The following FIP1L1 variants were observed in gnomAD, a reference collection of about 807,000 sequenced individuals.
The protein encoded by FIP1L1 is factor interacting with PAPOLA and CPSF1.
In FIP1L1, 21 loss-of-function variants were observed where a neutral mutation model predicts 84.6. That is an observed-to-expected ratio of 0.25 (90% CI 0.18 to 0.36). The LOEUF (loss-of-function observed/expected upper bound fraction) is 0.36, where lower values mean the gene tolerates loss of function less well. FIP1L1 is among the 10% of genes least tolerant of loss of function. FIP1L1 has a pLI of 1.00. For synonymous variants in FIP1L1, 263 were observed against 242.3 expected (o/e 1.09, Z -0.80); for missense variants, 526 against 751.1 (o/e 0.70, Z 3.50).
chr4:53,408,035 T>G (rs1347962800), intron 10 of FIP1L1, among the ~76,000 whole-genome samples: 1 of 152,224 alleles, frequency 6.6e-6, no homozygotes, highest in Non-Finnish European at 1.5e-5. Context: ...GATCCTGTCA[T>G]TATGATGTTA....
chr4:53,381,502 A>T (rs550268675), intron 3 of FIP1L1, among the ~76,000 whole-genome samples: 1 of 152,194 alleles, frequency 6.6e-6, no homozygotes, highest in African/African-American at 2.4e-5. Context: ...CTGAACAATT[A>T]TAGCTGCATA....
chr4:53,411,467 T>C (rs1220367615), intron 10 of FIP1L1, among the ~76,000 whole-genome samples: 1 of 150,402 alleles, frequency 6.6e-6, no homozygotes, highest in Non-Finnish European at 1.5e-5. Context: ...TTGTGAAATA[T>C]TTCCCATAAA....
chr4:53,440,766 T>G (rs1373822541), intron 13 of FIP1L1: 1 of 616,964 alleles, frequency 1.6e-6, no homozygotes, highest in African/African-American at 1.9e-5. Flanking sequence ...CATTCCAGTT[T>G]TGATTAAGAT....
intron 10 of FIP1L1, among the ~76,000 whole-genome samples, chr4:53,408,207 C>T (rs1754885344): frequency 6.6e-6 from 1 of 152,174 alleles, no homozygotes; most frequent in South Asian, 2.1e-4. Flanking sequence ...CAAAATCTCT[C>T]AGCATTTGCT....
chr4:53,433,494 C>A (rs1767648754), intron 13 of FIP1L1, among the ~76,000 whole-genome samples: 1 of 119,010 alleles, frequency 8.4e-6, no homozygotes, highest in Admixed American at 9.4e-5. Flanking sequence ...TAATTTACTT[C>A]AGTGTCATCA....
intron 15 of FIP1L1, among the ~76,000 whole-genome samples, chr4:53,449,952 A>T (rs1378920507): frequency 4.0e-5 from 6 of 151,864 alleles, no homozygotes; most frequent in African/African-American, 1.4e-4. Flanking sequence ...TTTGCTTCTG[A>T]TGCTGTTTAT....
At chr4:53,426,778 C>T (rs1381548453) in intron 12 of FIP1L1, among the ~76,000 whole-genome samples, 1 of 151,876 alleles carries the variant, frequency 6.6e-6, no homozygotes, top group Admixed American at 6.6e-5. Flanking sequence ...GATAAATATA[C>T]CATGATTTAT....
intron 14 of FIP1L1, among the ~76,000 whole-genome samples, 176 bp from the exon 15 acceptor site, chr4:53,443,872 T>G (rs1226454664): frequency 6.6e-6 from 1 of 152,020 alleles, no homozygotes. Context: ...TATTTTAATA[T>G]TTTTTAGGTT....
At chr4:53,389,753 G>A in intron 5 of FIP1L1, 56 bp from the exon 6 acceptor site, 1 of 1,381,518 alleles carries the variant, frequency 7.2e-7, no homozygotes, top group African/African-American at 1.4e-5. Context: ...ATATATTACT[G>A]TTTTGTTTAA....
intron 13 of FIP1L1, among the ~76,000 whole-genome samples, chr4:53,441,412 GT>G (rs1009193144): frequency 6.6e-6 from 1 of 151,860 alleles, no homozygotes; most frequent in Non-Finnish European, 1.5e-5. Flanking sequence ...GTGTGAATGT[GT>G]CTGAAAAAGA....
intron 13 of FIP1L1, among the ~76,000 whole-genome samples, chr4:53,432,398 CAAAAAAAAAAA>C (rs35596754): frequency 2.3e-4 from 16 of 68,396 alleles, no homozygotes; most frequent in Non-Finnish European, 3.1e-4. Context: ...AACTCCATCT[CAAAAAAAAAAA>C]AAAAAAAAAA....
intron 5 of FIP1L1, among the ~76,000 whole-genome samples, chr4:53,385,198 G>C (rs1171331025): frequency 6.6e-6 from 1 of 152,110 alleles, no homozygotes; most frequent in Non-Finnish European, 1.5e-5. Context: ...CTATCTGCAT[G>C]ATGCAAAAGG....
chr4:53,418,281 C>CTAAATAAA (rs34196016), intron 11 of FIP1L1, among the ~76,000 whole-genome samples: 6 of 151,516 alleles, frequency 4.0e-5, no homozygotes, highest in Admixed American at 1.3e-4. Context: ...AACCTGGTCT[C>CTAAATAAA]TAAATAAATA....
At chr4:53,451,118 C>T (rs1363413106) in intron 15 of FIP1L1, among the ~76,000 whole-genome samples, 25 of 151,876 alleles carry the variant, frequency 1.6e-4, no homozygotes, top group Admixed American at 1.6e-3. Flanking sequence ...GCATGCGCCA[C>T]CATGCCTGGC....
chr4:53,426,233 A>C (rs545569414), intron 12 of FIP1L1, among the ~76,000 whole-genome samples: 18 of 152,246 alleles, frequency 1.2e-4, no homozygotes, highest in African/African-American at 4.3e-4. Context: ...TTGGGACCAG[A>C]AGTGTATCAG....
intron 15 of FIP1L1, 71 bp from the exon 16 acceptor site, chr4:53,452,849 C>A: frequency 4.5e-6 from 5 of 1,102,104 alleles, no homozygotes; most frequent in Non-Finnish European, 6.8e-6. Flanking sequence ...AATCTCATGA[C>A]ACATTTTTGG....
At chr4:53,430,387 C>T (rs376099485) in intron 13 of FIP1L1, among the ~76,000 whole-genome samples, 7 of 105,080 alleles carry the variant, frequency 6.7e-5, no homozygotes, top group Non-Finnish European at 5.3e-5. Flanking sequence ...CTCACTCTTT[C>T]GCCCAGGCTG....
Position 53,458,748 on chromosome 4 carries a change from G to T in FIP1L1, c.1595G>T (p.Arg532Leu), listed in dbSNP as rs1168618506. Residue 532 changes from arginine (R) to leucine (L), a missense_variant, in exon 17 of 18, where the codon CGA (arginine) becomes CTA (leucine). Physicochemically the swap from Arg to Leu is moderately radical, Grantham distance 102 (BLOSUM62 -2). This residue lies in a region of FIP1L1 where 89 missense variants were observed against 169.0 expected (regional missense o/e 0.53). Transcript: ENST00000337488. ...AAAGAAGAACGACATAGAGAAAGAC[G>T]ACACAGGGAGAAAGAGGAAACCAGA... ...REKEERHRER[R>L]HREKEETRHK... The T allele has an allele frequency of 6.2e-7, 1 of 1,612,918 alleles. No homozygotes were observed. Among genetic ancestry groups the T allele is most frequent in the Admixed American group, 1.7e-5 (1 of 59,870 alleles).
intron 13 of FIP1L1, among the ~76,000 whole-genome samples, chr4:53,436,157 G>A (rs1163168523): frequency 2.0e-5 from 3 of 152,102 alleles, no homozygotes; most frequent in African/African-American, 4.8e-5. Flanking sequence ...CATGTATTGG[G>A]TTTCTACTGC....
Sources: gnomAD v4.1 joint callset for allele counts (sites outside exome capture counted in the v4.1 genomes callset) on GRCh38, gnomAD v4.1.1 for gene constraint, gnomAD v4.1.1 regional missense constraint, MANE v1.5 for transcripts, NCBI Gene and HGNC (gene_info 2026-07-23, HGNC 2026-07-21) for gene names.